HFM1: variants seen among roughly 807,000 people sequenced by gnomAD.
HFM1 encodes the protein probable ATP-dependent DNA helicase HFM1.
In HFM1, 169 loss-of-function variants were observed where a neutral mutation model predicts 192.1. That is an observed-to-expected ratio of 0.88 (90% CI 0.78 to 1.00). HFM1 has a LOEUF of 1.00. Among genes scored for constraint, HFM1 ranks in the 50% least tolerant of loss-of-function variants. The pLI, the probability that HFM1 is intolerant of heterozygous loss-of-function variation, is 0.00. For synonymous variants in HFM1, 525 were observed against 537.8 expected, an observed-to-expected ratio of 0.98 and a Z score of 0.33; for missense variants, 1,661 against 1,668.0, an observed-to-expected ratio of 1.00 and a Z score of 0.07.
intron 13 of HFM1, among the ~76,000 whole-genome samples, chr1:91,359,071 A>C (rs1266545658): frequency 1.3e-5 from 2 of 152,176 alleles, no homozygotes; most frequent in Middle Eastern, 3.2e-3. Context: ...ACCACCACCA[A>C]CAACAAAAAA....
At chr1:91,316,514 G>T in intron 25 of HFM1, 38 bp from the exon 26 acceptor site, 2 of 941,384 alleles carry the variant, frequency 2.1e-6, no homozygotes, top group Admixed American at 2.6e-5. Flanking sequence ...TAAAAATAAT[G>T]CACTTTAAAT....
chr1:91,265,989 T>G, intron 36 of HFM1, 28 bp downstream of exon 36: 2 of 1,585,806 alleles, frequency 1.3e-6, no homozygotes, highest in Non-Finnish European at 1.7e-6. Flanking sequence ...AAGTTGCAAA[T>G]ATTACAAACC....
intron 13 of HFM1, among the ~76,000 whole-genome samples, chr1:91,356,887 C>A (rs1448382117): frequency 1.3e-5 from 2 of 152,066 alleles, no homozygotes; most frequent in African/African-American, 4.8e-5. Context: ...AAAATACAAC[C>A]TGCTAAGTTT....
At chr1:91,300,897 C>G (rs1215846855) in intron 30 of HFM1, among the ~76,000 whole-genome samples, 1 of 152,132 alleles carries the variant, frequency 6.6e-6, no homozygotes, top group Non-Finnish European at 1.5e-5. Context: ...CCCTCTCTCA[C>G]CACTCCTATT....
At chr1:91,314,721 T>C (rs1474431230) in intron 28 of HFM1, among the ~76,000 whole-genome samples, 2 of 152,224 alleles carry the variant, frequency 1.3e-5, no homozygotes, top group African/African-American at 2.4e-5. Flanking sequence ...TTTAAATTTA[T>C]ATAAAATGGT....
intron 20 of HFM1, chr1:91,328,769 CT>C: frequency 6.2e-7 from 1 of 1,610,936 alleles, no homozygotes; most frequent in Non-Finnish European, 8.5e-7. Context: ...CACTAAGTGG[CT>C]GGTGAAGGTC....
chr1:91,320,934 C>CT lies in HFM1; in HGVS notation c.2583-1545_2583-1544insA, dbSNP rs370014458. Among the ~76,000 whole-genome samples, 211 of 152,256 alleles carry CT rather than the reference C, an allele frequency of 1.4e-3. 4 individuals are homozygous for CT. The East Asian group carries it at 0.026, about 19-fold the overall frequency. ...TAAAGTATTGATTCGGTTAGAATTA[C>CT]GTTCATGACCAGACCATATCAGTTT... On this transcript the variant is annotated intron_variant, in intron 23 of 38. Transcript: ENST00000370425.
At chr1:91,320,202 G>A (rs908435148) in intron 23 of HFM1, among the ~76,000 whole-genome samples, 2 of 152,118 alleles carry the variant, frequency 1.3e-5, no homozygotes, top group Non-Finnish European at 2.9e-5. Flanking sequence ...CAATAAGACC[G>A]AAACAGTCAG....
chr1:91,387,889 A>G (rs1304759665), intron 4 of HFM1, among the ~76,000 whole-genome samples: 3 of 148,074 alleles, frequency 2.0e-5, no homozygotes, highest in Non-Finnish European at 4.5e-5. Context: ...CACAATGTGC[A>G]CATGTACCCT....
intron 23 of HFM1, among the ~76,000 whole-genome samples, 157 bp from the exon 24 acceptor site, chr1:91,319,547 T>C (rs1452777434): frequency 2.6e-5 from 4 of 152,182 alleles, no homozygotes; most frequent in Non-Finnish European, 5.9e-5. Flanking sequence ...TGCAGGTCAA[T>C]AATAAAAGTT....
At chr1:91,366,542 A>T (rs964775824) in intron 13 of HFM1, among the ~76,000 whole-genome samples, 2 of 152,202 alleles carry the variant, frequency 1.3e-5, no homozygotes, top group African/African-American at 2.4e-5. Flanking sequence ...AAAAAATCCC[A>T]GTTTACCTTT....
At position 91,353,216 on chromosome 1, in the gene HFM1, A is replaced by G. The variant is rs546297063; in HGVS notation, c.1729+40T>C. ...CATCAATAATTGGCACCTTTCATCT[A>G]TATGTGAAAATGCTATTCAAAAATT... On this transcript the variant is annotated intron_variant, in intron 14 of 38. Transcript: ENST00000370425. 736 of 1,561,024 alleles carry G rather than the reference A, an allele frequency of 4.7e-4. 7 individuals are homozygous for G. The Middle Eastern group carries it at 0.012, about 25-fold the overall frequency.
intron 17 of HFM1, among the ~76,000 whole-genome samples, chr1:91,351,337 T>C (rs1441494051): frequency 6.6e-6 from 1 of 151,958 alleles, no homozygotes; most frequent in East Asian, 1.9e-4. Context: ...AATACATGCT[T>C]GCCAAGAAAT....
At position 91,375,667 on chromosome 1, in the gene HFM1, G is replaced by A; in HGVS notation, c.1456C>T (p.His486Tyr). 6.2e-7 allele frequency: 1 copy of A among 1,613,262 alleles called. No individual in the cohort carries two copies. The highest frequency in any genetic ancestry group is 8.5e-7 in the Non-Finnish European group (1 of 1,179,488). Residue 486 changes from histidine (H) to tyrosine (Y), a missense_variant, in exon 12 of 39, where the codon CAT becomes TAT. Physicochemically the swap from His to Tyr is moderately conservative, Grantham distance 83. Transcript: ENST00000370425. ...PAVCLKMDES[H>Y]RPVKLQKVVL... Reference sequence around the variant, plus strand: ...ACTTTCTGAAGTTTCACTGGTCTATGGCTCTCATCCATTTTCAGACACACA... The same window carrying A: ...ACTTTCTGAAGTTTCACTGGTCTATAGCTCTCATCCATTTTCAGACACACA...
chr1:91,288,584 A>G (rs1315978842), intron 30 of HFM1, among the ~76,000 whole-genome samples: 1 of 151,830 alleles, frequency 6.6e-6, no homozygotes, highest in Non-Finnish European at 1.5e-5. Context: ...GATGACTCTT[A>G]AGGAGTATGC....
At position 91,380,102 on chromosome 1, in the gene HFM1, A is replaced by G. The variant is rs765731077; in HGVS notation, c.1006+2T>C. 1 of 1,335,062 alleles carries G rather than the reference A, an allele frequency of 7.5e-7. No individual in the cohort carries two copies. The highest frequency in any genetic ancestry group is 1.0e-6 in the Non-Finnish European group (1 of 971,782). The allele number at this position is 1,335,062 out of a possible 1,614,324, so 82.7% of individuals were successfully genotyped here. On this transcript the variant is annotated splice_donor_variant, in intron 8 of 38. Transcript: ENST00000370425. LOFTEE classifies it high-confidence loss of function. ...GTCATCACTCTTATAATAAATACTT[A>G]CTGTAAACAATTTTAATATTCAACC...
At chr1:91,289,868 CGAGAGG>C (rs1056369831) in intron 30 of HFM1, among the ~76,000 whole-genome samples, 2 of 151,658 alleles carry the variant, frequency 1.3e-5, no homozygotes, top group African/African-American at 4.9e-5. Context: ...GAGAGGGAGA[CGAGAGG>C]GAGAGGGAGA....
Position 91,342,151 on chromosome 1 carries a change from A to AAAAAAAAAAAAAAAAAAAAC in HFM1, c.2335+1278_2335+1279insGTTTTTTTTTTTTTTTTTTT. On this transcript the variant is annotated intron_variant, in intron 20 of 38. Coordinates refer to ENST00000370425, the MANE Select transcript of HFM1 (RefSeq NM_001017975.6). ...ACACAATGAAAAAAAAAAAAAAAAA[A>AAAAAAAAAAAAAAAAAAAAC]TTCAGGCGAATATTCCTGATGAACA... is the stretch of plus-strand genomic sequence containing the variant. Among the ~76,000 whole-genome samples the AAAAAAAAAAAAAAAAAAAAC allele has an allele frequency of 1.8e-5, 2 of 111,802 alleles. 1 individual carries two copies. 73.3% of individuals were successfully genotyped at this position (111,802 alleles called of 152,430 possible).
At chr1:91,350,372 AAC>A (rs1656766329) in intron 18 of HFM1, among the ~76,000 whole-genome samples, 2 of 152,188 alleles carry the variant, frequency 1.3e-5, no homozygotes, top group South Asian at 2.1e-4. Flanking sequence ...CTGAAAAATA[AAC>A]AGTCATAAAC....
Sources: allele counts gnomAD v4.1 joint callset (sites outside exome capture counted in the v4.1 genomes callset), GRCh38; gene constraint gnomAD v4.1.1; transcripts MANE v1.5; gene names NCBI Gene and HGNC (gene_info 2026-07-23, HGNC 2026-07-21).